FRMPD1: variants seen among roughly 807,000 people sequenced by gnomAD.
The protein encoded by FRMPD1 is FERM and PDZ domain containing 1, also known as FERM and PDZ domain-containing protein 1.
A neutral mutation model predicts 117.8 loss-of-function variants in FRMPD1; 76 were observed. The observed-to-expected ratio is 0.65, with a 90% CI of 0.54 to 0.78. The LOEUF is 0.78. Ranked by LOEUF, FRMPD1 falls within the 30% of genes least tolerant of loss-of-function variation. The probability of loss-of-function intolerance (pLI) is 0.00; values close to 1 mark genes in which losing one functional copy is unlikely to be tolerated. For missense variants in FRMPD1, 1,786 were observed against 1,964.5 expected, an observed-to-expected ratio of 0.91 and a Z score of 1.72; for synonymous variants, 783 against 770.4, an observed-to-expected ratio of 1.02 and a Z score of -0.27.
rs773891795 is a variant in FRMPD1, at chr9:37,740,862, C to T, written c.2334C>T (p.Leu778=). The T allele has an allele frequency of 8.7e-6, 14 of 1,613,950 alleles. No homozygotes were observed. The highest frequency in any genetic ancestry group is 8.3e-5 in the Admixed American group (5 of 60,014). Residue 778 remains leucine, a synonymous_variant, in exon 15 of 16, where the codon CTC becomes CTT. Coordinates refer to ENST00000377765, the MANE Select transcript of FRMPD1 (RefSeq NM_014907.3). The surrounding 1 kb of genome is among the most constrained non-coding windows in gnomAD (Gnocchi z 4.2). Reference sequence around the variant, plus strand: ...AATACTATGACGCGGCTGATAAGCTCACTCCCCCAGGCCCCCCGTCAGGTG... The same window carrying T: ...AATACTATGACGCGGCTGATAAGCTTACTCCCCCAGGCCCCCCGTCAGGTG... ...DEEYYDAADK[L]TPPGPPSGPR... is the part of the protein sequence containing the mutation.
At chr9:37,638,129 A>G in the FRMPD1 span, among the ~76,000 whole-genome samples, 1 of 149,654 alleles carries the variant, frequency 6.7e-6, no homozygotes, top group East Asian at 2.0e-4. Flanking sequence ...CCTGGAGTGC[A>G]CTGGCGTTAT....
the FRMPD1 span, among the ~76,000 whole-genome samples, chr9:37,632,050 A>C: frequency 6.6e-6 from 1 of 152,216 alleles, no homozygotes; most frequent in Non-Finnish European, 1.5e-5. Flanking sequence ...CCAGTATCTA[A>C]TGTTTTTATA....
At chr9:37,668,295 C>G (rs58635357) in intron 1 of FRMPD1, 1 of 152,224 alleles carries the variant, frequency 6.6e-6, no homozygotes, top group Admixed American at 6.5e-5. Flanking sequence ...GCCCAGTATC[C>G]GCAGATGAGG....
the FRMPD1 span, among the ~76,000 whole-genome samples, chr9:37,611,155 C>T: frequency 1.3e-5 from 2 of 152,148 alleles, no homozygotes; most frequent in Non-Finnish European, 2.9e-5. Context: ...CAAAGTCCAG[C>T]CCTGCAGTCT....
At chr9:37,626,622 GAA>G in the FRMPD1 span, among the ~76,000 whole-genome samples, 273 of 48,626 alleles carry the variant, frequency 5.6e-3, 23 homozygotes, top group African/African-American at 0.021. Context: ...CCTGGTATCT[GAA>G]AAAAAAAAAA....
the FRMPD1 span, among the ~76,000 whole-genome samples, chr9:37,634,484 C>A: frequency 6.6e-6 from 1 of 152,210 alleles, no homozygotes; most frequent in African/African-American, 2.4e-5. Context: ...TGCTTAAACA[C>A]ACCAGTGGTT....
At chr9:37,624,172 G>T in the FRMPD1 span, among the ~76,000 whole-genome samples, 1 of 152,304 alleles carries the variant, frequency 6.6e-6, no homozygotes, top group East Asian at 1.9e-4. Flanking sequence ...TAGAGCAAGG[G>T]CCACCCAGCA....
At chr9:37,696,567 A>G (rs1233192594) in intron 2 of FRMPD1, among the ~76,000 whole-genome samples, 2 of 152,234 alleles carry the variant, frequency 1.3e-5, no homozygotes, top group Non-Finnish European at 2.9e-5. Flanking sequence ...ATTTTTAATG[A>G]TTACAGTTTT....
At chr9:37,605,248 C>T in the FRMPD1 span, among the ~76,000 whole-genome samples, 7 of 152,202 alleles carry the variant, frequency 4.6e-5, no homozygotes, top group Non-Finnish European at 1.0e-4. Context: ...AAACCTGGTA[C>T]CTGGAGTCTG....
intron 1 of FRMPD1, among the ~76,000 whole-genome samples, chr9:37,659,467 CA>C (rs1820932623): frequency 6.6e-6 from 1 of 152,196 alleles, no homozygotes; most frequent in African/African-American, 2.4e-5. Context: ...TTTCCACCAG[CA>C]TGCTATGGCG....
chr9:37,657,637 G>T (rs192709091), intron 1 of FRMPD1, among the ~76,000 whole-genome samples: 1 of 152,282 alleles, frequency 6.6e-6, no homozygotes, highest in Non-Finnish European at 1.5e-5. Flanking sequence ...AGAATAGACG[G>T]TCTCTTTCTC....
chr9:37,739,820 C>T (rs1050979295), intron 14 of FRMPD1, among the ~76,000 whole-genome samples: 1 of 152,144 alleles, frequency 6.6e-6, no homozygotes, highest in African/African-American at 2.4e-5. Context: ...AGACAGTTCT[C>T]CTTGGAGGTG....
In FRMPD1 at chr9:37,740,155, C is replaced by T. The variant is rs748312449; in HGVS notation, c.1627C>T (p.Arg543Cys). ...DCVLEPLSDR[R>C]LVKLAPCRSL... ...CGTACTCGAACCTCTCTCTGACAGG[C>T]GCCTGGTGAAACTGGCACCCTGCAG... Residue 543 changes from arginine to cysteine, a missense_variant, in exon 15 of 16, where the codon CGC (arginine) becomes TGC (cysteine). Transcript: ENST00000377765. This position sits in a 1 kb window ranked among gnomAD's most constrained non-coding sequence, Gnocchi z 4.2. The T allele has an allele frequency of 3.0e-5, 49 of 1,613,738 alleles. 1 individual carries two copies. The highest frequency in any genetic ancestry group is 3.3e-4 in the Middle Eastern group (2 of 6,056).
the FRMPD1 span, among the ~76,000 whole-genome samples, chr9:37,616,004 A>ACGGGG: frequency 4.9e-3 from 736 of 151,580 alleles, 8 homozygotes; most frequent in African/African-American, 0.017. Context: ...TTTAGTAGAG[A>ACGGGG]CGGGGTTTCA....
chr9:37,693,093 A>G, intron 2 of FRMPD1: 1 of 216,774 alleles, frequency 4.6e-6, no homozygotes, highest in South Asian at 9.1e-5. Flanking sequence ...CACTCTTTTG[A>G]TCTCTCTCTG....
At chr9:37,728,666 G>T (rs1823721321) in intron 7 of FRMPD1, among the ~76,000 whole-genome samples, 3 of 152,110 alleles carry the variant, frequency 2.0e-5, no homozygotes, top group African/African-American at 7.2e-5. Flanking sequence ...GGGTTCAAAA[G>T]TGTCCCTCAG....
chr9:37,629,276 A>G, the FRMPD1 span, among the ~76,000 whole-genome samples: 388 of 152,354 alleles, frequency 2.5e-3, 3 homozygotes, highest in African/African-American at 8.8e-3. Context: ...AACCCTGCTG[A>G]TAATTCTGAT....
At chr9:37,644,015 T>C in the FRMPD1 span, among the ~76,000 whole-genome samples, 38,289 of 152,182 alleles carry the variant, frequency 0.25, 5,150 homozygotes, top group African/African-American at 0.33. Context: ...TGTACCCTAG[T>C]GTGGAGCTAC....
chr9:37,745,793 C>T lies in FRMPD1; in HGVS notation c.3761C>T (p.Pro1254Leu), dbSNP rs772140723. 1 of 1,614,034 alleles carries T rather than the reference C, an allele frequency of 6.2e-7. No individual in the cohort carries two copies. Among genetic ancestry groups the T allele is most frequent in the African/African-American group, 1.3e-5 (1 of 74,922 alleles). Residue 1254 changes from proline (P) to leucine (L), a missense_variant, in exon 16 of 16, where the codon CCT (proline) becomes CTT (leucine). By Grantham distance (98) the Pro-to-Leu change is moderately conservative (BLOSUM62 -3). Transcript: ENST00000377765. ...GAGTGGGTCTGTTTTAATCCTGAGCCTTCCCTGCCAGAACCACTACCATGT... is the reference window on the plus strand; with the variant it reads ...GAGTGGGTCTGTTTTAATCCTGAGCTTTCCCTGCCAGAACCACTACCATGT... ...SPEWVCFNPE[P>L]SLPEPLPCPQ...
Sources: allele counts gnomAD v4.1 joint callset (sites outside exome capture counted in the v4.1 genomes callset), GRCh38; gene constraint gnomAD v4.1.1; non-coding constraint Gnocchi (gnomAD v3.1); transcripts MANE v1.5; gene names NCBI Gene and HGNC (gene_info 2026-07-23, HGNC 2026-07-21).